Variants in FERMT2 observed in about 807,000 individuals in gnomAD.
FERMT2 encodes the protein fermitin family homolog 2.
A neutral mutation model predicts 82.7 loss-of-function variants in FERMT2; 15 were observed. That is an observed-to-expected ratio of 0.18 (90% CI 0.12 to 0.28). The LOEUF is 0.28. FERMT2 is among the 10% of genes least tolerant of loss of function. FERMT2 has a pLI of 1.00. For missense variants in FERMT2, 645 were observed against 809.4 expected, an observed-to-expected ratio of 0.80 and a Z score of 2.46; for synonymous variants, 274 against 271.5, an observed-to-expected ratio of 1.01 and a Z score of -0.09.
At chr14:52,859,518 G>A in intron 14 of FERMT2, 55 bp downstream of exon 14, 1 of 1,429,708 alleles carries the variant, frequency 7.0e-7, no homozygotes, top group African/African-American at 1.4e-5. Context: ...TATTCTTAAT[G>A]TACTAATTTG....
chr14:52,866,363 A>G (rs1487251777), intron 10 of FERMT2, among the ~76,000 whole-genome samples: 2 of 152,152 alleles, frequency 1.3e-5, no homozygotes, highest in African/African-American at 4.8e-5. Context: ...GAGGAACCCT[A>G]TGCTGCAACC....
chr14:52,935,222 T>G (rs1889781010), intron 2 of FERMT2, among the ~76,000 whole-genome samples: 1 of 152,224 alleles, frequency 6.6e-6, no homozygotes, highest in South Asian at 2.1e-4. Flanking sequence ...TAGCAGAAGC[T>G]GTAAACTTCA....
In FERMT2 at chr14:52,950,394, G is replaced by A. The variant is rs1235035375; in HGVS notation, c.157+18C>T. 1.9e-6 allele frequency: 3 copies of A among 1,609,048 alleles called. No homozygotes were observed. Among genetic ancestry groups the A allele is most frequent in the Non-Finnish European group, 2.5e-6 (3 of 1,177,510 alleles). ...TTCTGGGAAGTCATTAGTTGGACGCGGCTGGGATGCTACTCACCGAGTTTC... is the reference window on the plus strand; with the variant it reads ...TTCTGGGAAGTCATTAGTTGGACGCAGCTGGGATGCTACTCACCGAGTTTC... On this transcript the variant is annotated intron_variant, in intron 2 of 14. Coordinates refer to ENST00000341590, the MANE Select transcript of FERMT2 (RefSeq NM_006832.3).
At chr14:52,949,781 G>C (rs1890534086) in intron 2 of FERMT2, among the ~76,000 whole-genome samples, 1 of 152,164 alleles carries the variant, frequency 6.6e-6, no homozygotes, top group South Asian at 2.1e-4. Flanking sequence ...TCTTTCCTTG[G>C]CTTGTTATTA....
At chr14:52,897,185 A>G (rs977868792) in intron 3 of FERMT2, among the ~76,000 whole-genome samples, 1 of 152,196 alleles carries the variant, frequency 6.6e-6, no homozygotes, top group African/African-American at 2.4e-5. Context: ...TGACTAGCAA[A>G]TCATTTTAAC....
intron 2 of FERMT2, among the ~76,000 whole-genome samples, chr14:52,931,693 ATGTAC>A (rs1363548380): frequency 1.3e-5 from 2 of 152,262 alleles, no homozygotes; most frequent in Non-Finnish European, 2.9e-5. Flanking sequence ...AACATTTAGT[ATGTAC>A]CAAGCACTTA....
intron 4 of FERMT2, 25 bp downstream of exon 4, chr14:52,893,268 G>A: frequency 6.3e-7 from 1 of 1,577,386 alleles, no homozygotes; most frequent in East Asian, 2.3e-5. Flanking sequence ...CTTACTTTGA[G>A]TCCATTGCTT....
intron 2 of FERMT2, among the ~76,000 whole-genome samples, chr14:52,939,734 A>G (rs1233887986): frequency 6.6e-6 from 1 of 152,180 alleles, no homozygotes; most frequent in East Asian, 1.9e-4. Flanking sequence ...TACCAAGGGC[A>G]TTCCATCTTG....
At chr14:52,913,955 A>C (rs1219204579) in intron 3 of FERMT2, among the ~76,000 whole-genome samples, 3 of 152,106 alleles carry the variant, frequency 2.0e-5, no homozygotes, top group African/African-American at 7.2e-5. Context: ...GAGAGTGACA[A>C]GAACCACATA....
At chr14:52,945,201 G>A (rs894368051) in intron 2 of FERMT2, among the ~76,000 whole-genome samples, 2 of 151,676 alleles carry the variant, frequency 1.3e-5, no homozygotes, top group South Asian at 2.1e-4. Flanking sequence ...GTAAGTTACC[G>A]CACCCAGCCA....
rs1884653902 is a variant in FERMT2 at position 52,857,712 on chromosome 14, G to A, written c.*665C>T. On this transcript the variant is annotated 3_prime_UTR_variant, in exon 15 of 15. Transcript: ENST00000341590. ...TTTACTTCATATTGTAATGCAAAGA[G>A]TTGCATATTTTAGGCAGACAGTGAT... The A allele has an allele frequency of 6.5e-6, 1 of 152,686 alleles. No homozygotes were observed. Among genetic ancestry groups the A allele is most frequent in the South Asian group, 2.1e-4 (1 of 4,828 alleles). The allele number at this position is 152,686 out of a possible 1,614,324, so 9.5% of individuals were successfully genotyped here. A position where few individuals can be genotyped will look rare whatever the true frequency, so the allele number is the denominator to read the frequency against.
At chr14:52,940,519 A>G (rs757874438) in intron 2 of FERMT2, among the ~76,000 whole-genome samples, 21 of 152,208 alleles carry the variant, frequency 1.4e-4, no homozygotes, top group Non-Finnish European at 4.4e-5. Context: ...TTTAATCCAC[A>G]AGAGTATGGC....
At chr14:52,898,844 G>A (rs955236638) in intron 3 of FERMT2, among the ~76,000 whole-genome samples, 1 of 152,164 alleles carries the variant, frequency 6.6e-6, no homozygotes, top group Non-Finnish European at 1.5e-5. Flanking sequence ...CAAATCTCAT[G>A]CCTGAGATAT....
chr14:52,882,501 A>G (rs1021725261), intron 4 of FERMT2, among the ~76,000 whole-genome samples: 3 of 152,182 alleles, frequency 2.0e-5, no homozygotes, highest in Non-Finnish European at 4.4e-5. Flanking sequence ...GGCATCTAAA[A>G]ATGTTCAGAA....
chr14:52,896,999 A>AACACACACACAC (rs57945447), intron 3 of FERMT2, among the ~76,000 whole-genome samples: 146 of 137,182 alleles, frequency 1.1e-3, no homozygotes, highest in African/African-American at 3.7e-3. Flanking sequence ...AAACAAATAA[A>AACACACACACAC]ACACACACAC....
At chr14:52,881,795 C>T in intron 4 of FERMT2, 1 of 1,307,520 alleles carries the variant, frequency 7.6e-7, no homozygotes, top group Non-Finnish European at 1.0e-6. Flanking sequence ...GCAAGGCTCA[C>T]CTTTCAGAGG....
intron 3 of FERMT2, among the ~76,000 whole-genome samples, chr14:52,913,579 T>G (rs1164877035): frequency 6.6e-6 from 1 of 152,092 alleles, no homozygotes; most frequent in Non-Finnish European, 1.5e-5. Flanking sequence ...CTTTATGGTT[T>G]CTGTAGGAGG....
At chr14:52,893,262 C>T (rs1356368073) in intron 4 of FERMT2, 31 bp downstream of exon 4, 1 of 1,571,908 alleles carries the variant, frequency 6.4e-7, no homozygotes, top group Admixed American at 2.0e-5. Flanking sequence ...ACAGTTCTTA[C>T]TTTGAGTCCA....
intron 2 of FERMT2, among the ~76,000 whole-genome samples, chr14:52,943,288 A>C (rs1890180835): frequency 6.6e-6 from 1 of 152,222 alleles, no homozygotes; most frequent in African/African-American, 2.4e-5. Flanking sequence ...ACAATGTCTT[A>C]AAAGACCAAG....
Sources: gnomAD v4.1 joint callset for allele counts (sites outside exome capture counted in the v4.1 genomes callset) on GRCh38, gnomAD v4.1.1 for gene constraint, MANE v1.5 for transcripts, NCBI Gene and HGNC (gene_info 2026-07-23, HGNC 2026-07-21) for gene names.